CNTNAP5: variants seen among roughly 807,000 people sequenced by gnomAD.
CNTNAP5 encodes the protein contactin associated protein family member 5.
A neutral mutation model predicts 150.2 loss-of-function variants in CNTNAP5; 72 were observed. The observed-to-expected ratio is 0.48, with a 90% CI of 0.40 to 0.58. CNTNAP5 has a LOEUF of 0.58. CNTNAP5 is among the 20% of genes least tolerant of loss of function. CNTNAP5 has a pLI of 0.00. For synonymous variants in CNTNAP5, 672 were observed against 619.8 expected (o/e 1.08, Z -1.25); for missense variants, 1,636 against 1,626.2 (o/e 1.01, Z -0.10).
chr2:124,390,155 A>T (rs1008064576), intron 3 of CNTNAP5, among the ~76,000 whole-genome samples: 1 of 152,098 alleles, frequency 6.6e-6, no homozygotes, highest in African/African-American at 2.4e-5. Context: ...TTGATGATCA[A>T]AGGGCTAGAC....
At chr2:124,413,827 C>T (rs866259255) in intron 3 of CNTNAP5, among the ~76,000 whole-genome samples, 1 of 138,212 alleles carries the variant, frequency 7.2e-6, no homozygotes, top group Non-Finnish European at 1.5e-5. Context: ...CACATGTATA[C>T]ATATGTAACT....
intron 13 of CNTNAP5, among the ~76,000 whole-genome samples, chr2:124,704,783 T>TC (rs1490244990): frequency 6.6e-6 from 1 of 150,656 alleles, no homozygotes; most frequent in Non-Finnish European, 1.5e-5. Flanking sequence ...CCACCTCACC[T>TC]CCCCCTACAC....
chr2:124,830,677 G>A (rs1428975026), intron 19 of CNTNAP5, among the ~76,000 whole-genome samples: 1 of 152,000 alleles, frequency 6.6e-6, no homozygotes, highest in Non-Finnish European at 1.5e-5. Flanking sequence ...GAAAAGCCAA[G>A]GCACAGAATC....
intron 3 of CNTNAP5, among the ~76,000 whole-genome samples, chr2:124,277,887 CA>C (rs1687921654): frequency 6.6e-6 from 1 of 152,150 alleles, no homozygotes; most frequent in South Asian, 2.1e-4. Flanking sequence ...TGCGGATATG[CA>C]GAAGGGGCCA....
intron 1 of CNTNAP5, among the ~76,000 whole-genome samples, chr2:124,081,567 G>A (rs1451762267): frequency 2.0e-5 from 3 of 152,196 alleles, no homozygotes; most frequent in Non-Finnish European, 4.4e-5. Flanking sequence ...TCATAGGCCT[G>A]AGGAACTCAC....
intron 13 of CNTNAP5, among the ~76,000 whole-genome samples, chr2:124,725,178 ATTTT>A (rs559999766): frequency 6.6e-6 from 1 of 151,724 alleles, no homozygotes; most frequent in Non-Finnish European, 1.5e-5. Flanking sequence ...TGTGATGATG[ATTTT>A]TTTCTTTTAT....
chr2:124,422,072 ACAGT>A (rs1391147629), intron 4 of CNTNAP5, among the ~76,000 whole-genome samples: 2 of 152,222 alleles, frequency 1.3e-5, no homozygotes, highest in Non-Finnish European at 2.9e-5. Flanking sequence ...GCACAAAAAG[ACAGT>A]CAGTAAGTAT....
rs570985559 is a variant in CNTNAP5 at position 124,902,811 on chromosome 2, A to G, written c.3437-71A>G. ...TTTCTGTAATTTTAGATACTACTCA[A>G]AGAGGACCCAGCATATAATTTGGAA... On this transcript the variant is annotated intron_variant, in intron 21 of 23. Transcript: ENST00000682447. The G allele has an allele frequency of 7.3e-5, 77 of 1,061,840 alleles. No homozygotes were observed. The African/African-American group carries it at 1.1e-3, about 16-fold the overall frequency. The allele number at this position is 1,061,840 out of a possible 1,614,324, so 65.8% of individuals were successfully genotyped here.
At chr2:124,431,628 T>TATATATAATTTCTTTATATAAAC (rs1298019587) in intron 4 of CNTNAP5, among the ~76,000 whole-genome samples, 40 of 146,198 alleles carry the variant, frequency 2.7e-4, no homozygotes, top group African/African-American at 8.9e-4. Context: ...ATATAAACAT[T>TATATATAATTTCTTTATATAAAC]ATATATAATT....
At chr2:124,891,250 G>A (rs561868135) in intron 21 of CNTNAP5, among the ~76,000 whole-genome samples, 35 of 152,150 alleles carry the variant, frequency 2.3e-4, no homozygotes, top group African/African-American at 8.4e-4. Flanking sequence ...GGGGATATCT[G>A]GGGGCTGAGC....
At chr2:124,408,204 T>A (rs1351395819) in intron 3 of CNTNAP5, among the ~76,000 whole-genome samples, 1 of 152,146 alleles carries the variant, frequency 6.6e-6, no homozygotes, top group African/African-American at 2.4e-5. Context: ...ACCACGAGAT[T>A]ATATCTCGCA....
intron 13 of CNTNAP5, among the ~76,000 whole-genome samples, chr2:124,648,435 G>T (rs1678252269): frequency 6.6e-6 from 1 of 152,126 alleles, no homozygotes; most frequent in African/African-American, 2.4e-5. Flanking sequence ...AGGGAGGCCA[G>T]CAAGATAGGC....
chr2:124,735,727 C>T (rs1558755844), intron 13 of CNTNAP5, among the ~76,000 whole-genome samples: 1 of 152,066 alleles, frequency 6.6e-6, no homozygotes, highest in African/African-American at 2.4e-5. Context: ...AATTCAAGAT[C>T]CTTTTTATTT....
intron 2 of CNTNAP5, among the ~76,000 whole-genome samples, chr2:124,232,106 C>A (rs894764210): frequency 1.3e-5 from 2 of 152,020 alleles, no homozygotes; most frequent in Non-Finnish European, 2.9e-5. Context: ...TTTGATGTTT[C>A]TAACACTTTG....
At chr2:124,902,820 C>G in intron 21 of CNTNAP5, 62 bp from the exon 22 acceptor site, 2 of 1,164,150 alleles carry the variant, frequency 1.7e-6, no homozygotes, top group South Asian at 1.5e-5. Flanking sequence ...AAAGAGGACC[C>G]AGCATATAAT....
chr2:124,232,334 G>A (rs1340512978), intron 2 of CNTNAP5, among the ~76,000 whole-genome samples: 1 of 152,110 alleles, frequency 6.6e-6, no homozygotes, highest in Non-Finnish European at 1.5e-5. Flanking sequence ...AACATTGTGT[G>A]GTAGATGTTT....
At chr2:124,662,063 C>T (rs965882155) in intron 13 of CNTNAP5, among the ~76,000 whole-genome samples, 1 of 152,116 alleles carries the variant, frequency 6.6e-6, no homozygotes, top group Admixed American at 6.5e-5. Context: ...CATGTGTTCT[C>T]ATTGTTCAAC....
chr2:124,205,159 C>T (rs569242388), intron 1 of CNTNAP5, among the ~76,000 whole-genome samples: 2 of 152,158 alleles, frequency 1.3e-5, no homozygotes, highest in East Asian at 1.9e-4. Context: ...TCCATAATAC[C>T]CATGTGTCAT....
chr2:124,664,690 T>C (rs981785804), intron 13 of CNTNAP5, among the ~76,000 whole-genome samples: 1 of 152,240 alleles, frequency 6.6e-6, no homozygotes, highest in Non-Finnish European at 1.5e-5. Context: ...AAGTTTTGTT[T>C]GTTTGTTTCT....
Sources: allele counts gnomAD v4.1 joint callset (sites outside exome capture counted in the v4.1 genomes callset), GRCh38; gene constraint gnomAD v4.1.1; transcripts MANE v1.5; gene names NCBI Gene and HGNC (gene_info 2026-07-23, HGNC 2026-07-21).